The following PATJ variants were observed in gnomAD, a reference collection of about 807,000 sequenced individuals.
The protein encoded by PATJ is PATJ crumbs cell polarity complex component, also known as inaD-like protein.
In PATJ, 190 loss-of-function variants were observed where a neutral mutation model predicts 224.9. That is an observed-to-expected ratio of 0.84 (90% CI 0.75 to 0.95). The LOEUF is 0.95. Among genes scored for constraint, PATJ ranks in the 40% least tolerant of loss-of-function variants. PATJ has a pLI of 0.00. For synonymous variants in PATJ, 769 were observed against 820.3 expected (o/e 0.94, Z 1.07); for missense variants, 2,121 against 2,270.3 (o/e 0.93, Z 1.34).
intron 33 of PATJ, among the ~76,000 whole-genome samples, chr1:62,093,136 C>T (rs1213516357): frequency 6.6e-6 from 1 of 152,092 alleles, no homozygotes; most frequent in East Asian, 1.9e-4. Flanking sequence ...TCTTATTAAA[C>T]AGAAGTTCTA....
intron 34 of PATJ, among the ~76,000 whole-genome samples, chr1:62,108,968 C>T (rs558623128): frequency 6.6e-6 from 1 of 152,236 alleles, no homozygotes; most frequent in East Asian, 1.9e-4. Flanking sequence ...AAGTTCATGC[C>T]TTGCCACCAA....
intron 39 of PATJ, 26 bp from the exon 40 acceptor site, chr1:62,127,946 A>G: frequency 6.2e-7 from 1 of 1,612,852 alleles, no homozygotes; most frequent in Non-Finnish European, 8.5e-7. Context: ...TAAATATAAA[A>G]GCATTATGTT....
At chr1:61,843,223 T>C (rs1408030283) in intron 17 of PATJ, among the ~76,000 whole-genome samples, 1 of 152,168 alleles carries the variant, frequency 6.6e-6, no homozygotes. Flanking sequence ...CTGTATTTTA[T>C]TTTAATCTGA....
chr1:62,156,739 G>A (rs927507254), intron 43 of PATJ, among the ~76,000 whole-genome samples: 1 of 150,098 alleles, frequency 6.7e-6, no homozygotes. Context: ...AACATTGAGA[G>A]ACCCTGTCTC....
rs201576062 is a variant in PATJ, at chr1:62,128,010, A to G, written c.5082A>G (p.Gly1694=). Reference sequence around the variant, plus strand: ...CCCTTGGAATCAGTATTGCTGGAGGAAGAGGAAGTCCCTTAGGAGATATCC... The same window carrying G: ...CCCTTGGAATCAGTATTGCTGGAGGGAGAGGAAGTCCCTTAGGAGATATCC... ...SDALGISIAG[G]RGSPLGDIPV... The change falls in exon 40 of 44, where the codon GGA becomes GGG. Residue 1694 remains glycine, a synonymous_variant. Coordinates refer to ENST00000642238, the MANE Select transcript of PATJ (RefSeq NM_001350145.3). The G allele has an allele frequency of 6.1e-4, 985 of 1,614,058 alleles. 3 individuals carry two copies. In the African/African-American group the frequency reaches 0.011, roughly 18 times the overall value.
chr1:61,751,249 C>G (rs953435479), intron 1 of PATJ, among the ~76,000 whole-genome samples: 11 of 152,018 alleles, frequency 7.2e-5, no homozygotes, highest in Non-Finnish European at 1.6e-4. Flanking sequence ...TGATCCGTCT[C>G]CTTGGCCTCC....
At chr1:61,760,136 C>T (rs572223603) in intron 1 of PATJ, among the ~76,000 whole-genome samples, 13 of 152,310 alleles carry the variant, frequency 8.5e-5, no homozygotes, top group African/African-American at 2.2e-4. Context: ...AGTTACCTGT[C>T]ACTGGGTAGT....
At chr1:61,960,598 C>T (rs1473131657) in intron 27 of PATJ, among the ~76,000 whole-genome samples, 2 of 150,362 alleles carry the variant, frequency 1.3e-5, no homozygotes, top group Non-Finnish European at 2.9e-5. Flanking sequence ...AGGAGGCAGA[C>T]GTTGCAGTGA....
At chr1:61,761,616 C>A (rs1645975198) in intron 1 of PATJ, among the ~76,000 whole-genome samples, 1 of 151,616 alleles carries the variant, frequency 6.6e-6, no homozygotes, top group African/African-American at 2.4e-5. Context: ...GGATATGAGC[C>A]AAGAGTAGTA....
chr1:61,908,924 G>A (rs1672224206), intron 25 of PATJ, among the ~76,000 whole-genome samples: 1 of 152,200 alleles, frequency 6.6e-6, no homozygotes, highest in Admixed American at 6.5e-5. Context: ...ACTGTTGTGT[G>A]TTCTAATGTT....
intron 9 of PATJ, among the ~76,000 whole-genome samples, chr1:61,792,169 ATTAAG>A (rs1260581895): frequency 6.6e-6 from 1 of 152,204 alleles, no homozygotes; most frequent in East Asian, 1.9e-4. Flanking sequence ...AGGTGGAAGG[ATTAAG>A]AGTGCTAATG....
chr1:62,110,002 TA>T (rs753474860), intron 34 of PATJ, among the ~76,000 whole-genome samples: 1 of 152,216 alleles, frequency 6.6e-6, no homozygotes, highest in Non-Finnish European at 1.5e-5. Flanking sequence ...AAACACCCAG[TA>T]AAGGTTAACC....
chr1:61,949,129 C>G (rs568566978), intron 27 of PATJ, among the ~76,000 whole-genome samples: 2 of 151,364 alleles, frequency 1.3e-5, no homozygotes, highest in African/African-American at 4.9e-5. Context: ...GACAAGTTAA[C>G]GGGTGCAGCA....
rs1027811755 is a variant in PATJ, at chr1:61,940,464, C to A, written c.3670+12635C>A. Among the ~76,000 whole-genome samples, 7 of 152,156 alleles carry A rather than the reference C, an allele frequency of 4.6e-5. No homozygotes were observed. In the South Asian group the frequency reaches 1.5e-3, roughly 32 times the overall value. ...GGGCGCAGTGGTTCACGCCAGTAATCCCAGCACTTTGGGAGGCCGAGATGG... is the reference window on the plus strand; with the variant it reads ...GGGCGCAGTGGTTCACGCCAGTAATACCAGCACTTTGGGAGGCCGAGATGG... On this transcript the variant is annotated intron_variant, in intron 27 of 43. Transcript: ENST00000642238.
intron 27 of PATJ, among the ~76,000 whole-genome samples, chr1:61,959,420 A>ATAAT (rs1320904307): frequency 1.4e-5 from 1 of 69,622 alleles, no homozygotes; most frequent in Non-Finnish European, 2.9e-5. Flanking sequence ...TTATATATAT[A>ATAAT]ATATATTTTT....
intron 20 of PATJ, among the ~76,000 whole-genome samples, chr1:61,869,559 G>A (rs1435592059): frequency 6.6e-6 from 1 of 152,142 alleles, no homozygotes; most frequent in Non-Finnish European, 1.5e-5. Flanking sequence ...CATAAGGGAA[G>A]CTCTGAGAAG....
At chr1:62,038,773 GC>G in intron 30 of PATJ, 1 of 496,962 alleles carries the variant, frequency 2.0e-6, no homozygotes, top group Non-Finnish European at 3.8e-6. Context: ...ATGTGATTGT[GC>G]AATACACATT....
chr1:61,799,431 G>A (rs1033878606), intron 11 of PATJ, among the ~76,000 whole-genome samples: 6 of 152,112 alleles, frequency 3.9e-5, no homozygotes, highest in Non-Finnish European at 5.9e-5. Context: ...TCCTGGCCTC[G>A]TGATCCACCT....
intron 34 of PATJ, among the ~76,000 whole-genome samples, chr1:62,109,532 A>C (rs1324101383): frequency 6.6e-6 from 1 of 152,250 alleles, no homozygotes; most frequent in Non-Finnish European, 1.5e-5. Flanking sequence ...ATTAAGGTAC[A>C]AGTGTATGAG....
Sources: allele counts gnomAD v4.1 joint callset (sites outside exome capture counted in the v4.1 genomes callset), GRCh38; gene constraint gnomAD v4.1.1; transcripts MANE v1.5; gene names NCBI Gene and HGNC (gene_info 2026-07-23, HGNC 2026-07-21).